TBC1D31: variants seen among roughly 807,000 people sequenced by gnomAD.
The protein encoded by TBC1D31 is TBC1 domain family member 31.
In TBC1D31, 99 loss-of-function variants were observed where a neutral mutation model predicts 132.9. The observed-to-expected ratio is 0.74, with a 90% confidence interval of 0.63 to 0.88. TBC1D31 has a LOEUF of 0.88. Ranked by LOEUF, TBC1D31 falls within the 40% of genes least tolerant of loss-of-function variation. The probability of loss-of-function intolerance (pLI) is 0.00; values close to 1 mark genes in which losing one functional copy is unlikely to be tolerated. For missense variants in TBC1D31, 1,134 were observed against 1,256.6 expected (o/e 0.90, Z 1.48); for synonymous variants, 385 against 419.4 (o/e 0.92, Z 1.00).
the TBC1D31 span, among the ~76,000 whole-genome samples, chr8:123,163,212 A>G: frequency 1.3e-5 from 2 of 151,910 alleles, no homozygotes; most frequent in African/African-American, 4.8e-5. Flanking sequence ...GAGTCACCGC[A>G]CCTGGCCTTT....
intron 5 of TBC1D31, among the ~76,000 whole-genome samples, chr8:123,094,728 CG>C (rs1447352161): frequency 1.3e-5 from 2 of 149,976 alleles, no homozygotes; most frequent in East Asian, 2.0e-4. Context: ...TTAGTAGAGA[CG>C]GGGGTTTCAC....
intron 10 of TBC1D31, among the ~76,000 whole-genome samples, chr8:123,116,659 G>C (rs1001310083): frequency 6.6e-6 from 1 of 152,008 alleles, no homozygotes; most frequent in Non-Finnish European, 1.5e-5. Flanking sequence ...GCACCTACTG[G>C]TGTGGGGAAA....
intron 11 of TBC1D31, among the ~76,000 whole-genome samples, chr8:123,121,580 G>T (rs1302528609): frequency 6.6e-6 from 1 of 152,090 alleles, no homozygotes. Context: ...TTAAAAGAGT[G>T]TGGCACCACC....
At chr8:123,105,544 C>G in intron 8 of TBC1D31, 80 bp downstream of exon 8, 1 of 1,171,420 alleles carries the variant, frequency 8.5e-7, no homozygotes, top group Non-Finnish European at 1.2e-6. Flanking sequence ...CACCACTCTT[C>G]TCTCTCTTGG....
intron 21 of TBC1D31, among the ~76,000 whole-genome samples, chr8:123,151,115 C>T (rs1254057775): frequency 6.6e-6 from 1 of 152,200 alleles, no homozygotes; most frequent in Non-Finnish European, 1.5e-5. Flanking sequence ...TTCTCAGCTA[C>T]TCTCTATTCT....
the TBC1D31 span, among the ~76,000 whole-genome samples, chr8:123,163,691 T>G: frequency 2.0e-5 from 3 of 152,126 alleles, no homozygotes; most frequent in Non-Finnish European, 4.4e-5. Context: ...TAAAAATTTT[T>G]TATTTCAATA....
chr8:123,088,545 G>A (rs1816013234), intron 4 of TBC1D31, among the ~76,000 whole-genome samples: 1 of 152,158 alleles, frequency 6.6e-6, no homozygotes, highest in Non-Finnish European at 1.5e-5. Context: ...AAAACGTTCG[G>A]TTTTTAAAAA....
At chr8:123,145,967 T>A (rs1435978891) in intron 20 of TBC1D31, among the ~76,000 whole-genome samples, 2 of 150,920 alleles carry the variant, frequency 1.3e-5, no homozygotes, top group Non-Finnish European at 2.9e-5. Context: ...ACCACCCAGG[T>A]TCAAGTGATT....
At chr8:123,105,831 T>C (rs1817872139) in intron 8 of TBC1D31, among the ~76,000 whole-genome samples, 1 of 152,156 alleles carries the variant, frequency 6.6e-6, no homozygotes, top group South Asian at 2.1e-4. Flanking sequence ...AATATAGAGC[T>C]CAGTGAACTT....
intron 13 of TBC1D31, among the ~76,000 whole-genome samples, chr8:123,127,066 A>G (rs780641124): frequency 3.3e-5 from 5 of 151,890 alleles, no homozygotes; most frequent in Admixed American, 1.3e-4. Flanking sequence ...TGAAAAATCC[A>G]TTTATTTATT....
intron 1 of TBC1D31, among the ~76,000 whole-genome samples, chr8:123,076,814 AAGTGCCATG>A (rs1398799487): frequency 7.9e-5 from 12 of 152,192 alleles, no homozygotes; most frequent in Non-Finnish European, 1.8e-4. Flanking sequence ...ACTAAATTGT[AAGTGCCATG>A]AAAGCAGGGA....
At chr8:123,101,129 T>G (rs1479903870) in intron 7 of TBC1D31, 122 bp downstream of exon 7, 3 of 775,898 alleles carry the variant, frequency 3.9e-6, no homozygotes, top group Non-Finnish European at 4.1e-6. Context: ...TTTCTGGATA[T>G]ATTTTGTTGC....
At chr8:123,114,644 T>C (rs1818754101) in intron 10 of TBC1D31, among the ~76,000 whole-genome samples, 1 of 152,182 alleles carries the variant, frequency 6.6e-6, no homozygotes, top group Non-Finnish European at 1.5e-5. Context: ...TTTTTAAAAG[T>C]AACTTTAAAG....
intron 6 of TBC1D31, 23 bp from the exon 7 acceptor site, chr8:123,100,783 GA>G: frequency 6.3e-7 from 1 of 1,580,908 alleles, no homozygotes; most frequent in Non-Finnish European, 8.7e-7. Flanking sequence ...ATGTTTTTAG[GA>G]ATTTATATTT....
At chr8:123,129,855 G>A (rs973065248) in intron 15 of TBC1D31, among the ~76,000 whole-genome samples, 1 of 152,158 alleles carries the variant, frequency 6.6e-6, no homozygotes, top group Non-Finnish European at 1.5e-5. Flanking sequence ...GGTAAAATGT[G>A]TAAATTAAGT....
chr8:123,133,368 A>T (rs1366659975), intron 16 of TBC1D31, among the ~76,000 whole-genome samples: 2 of 151,764 alleles, frequency 1.3e-5, no homozygotes, highest in Admixed American at 1.3e-4. Flanking sequence ...TTTCCCAATA[A>T]CCTCTTTAAA....
At chr8:123,079,980 T>G (rs1205916156) in intron 2 of TBC1D31, among the ~76,000 whole-genome samples, 1 of 152,212 alleles carries the variant, frequency 6.6e-6, no homozygotes, top group African/African-American at 2.4e-5. Flanking sequence ...CATTCCCTTT[T>G]CACTGTTGGT....
chr8:123,130,975 C>T (rs1024425872), intron 16 of TBC1D31, among the ~76,000 whole-genome samples: 23 of 151,776 alleles, frequency 1.5e-4, no homozygotes, highest in Admixed American at 9.8e-4. Flanking sequence ...TTATCTGTGG[C>T]CAGTATAAAA....
At chr8:123,076,632 C>G (rs1586536441) in intron 1 of TBC1D31, among the ~76,000 whole-genome samples, 2 of 152,088 alleles carry the variant, frequency 1.3e-5, no homozygotes, top group South Asian at 2.1e-4. Context: ...ACTCGCCTGC[C>G]AGGGTATTCA....
Sources: allele counts gnomAD v4.1 joint callset (sites outside exome capture counted in the v4.1 genomes callset), GRCh38; gene constraint gnomAD v4.1.1; transcripts MANE v1.5; gene names NCBI Gene and HGNC (gene_info 2026-07-23, HGNC 2026-07-21).